Variants in GATA4 observed in about 807,000 individuals in gnomAD.
GATA4 encodes transcription factor GATA-4.
In GATA4, 7 loss-of-function variants were observed where a neutral mutation model predicts 37.9. The observed-to-expected ratio is 0.18, with a 90% confidence interval of 0.11 to 0.35. GATA4 has a LOEUF of 0.35. Among genes scored for constraint, GATA4 ranks in the 10% least tolerant of loss-of-function variants. The pLI, the probability that GATA4 is intolerant of heterozygous loss-of-function variation, is 1.00. For synonymous variants in GATA4, 372 were observed against 292.6 expected (o/e 1.27, Z -2.77); for missense variants, 647 against 653.0 (o/e 0.99, Z 0.10).
Position 11,697,479 on chromosome 8 carries a change from A to T in GATA4, c.-728-3029A>T, listed in dbSNP as rs1434192057. 4.6e-6 allele frequency: 4 copies of T among 863,118 alleles called. No individual in the cohort carries two copies. The African/African-American group carries it at 7.3e-5, about 16-fold the overall frequency. 53.5% of individuals were successfully genotyped at this position (863,118 alleles called of 1,614,324 possible). ...TCCCAGCTGGGGAAGCGGTGTTCGG[A>T]GGGGAGCAGCGCTCTCGGTGGGCAC... On this transcript the variant is annotated intron_variant, in intron 1 of 2. Coordinates refer to the GATA4 transcript ENST00000526974.
upstream of GATA4, among the ~76,000 whole-genome samples, chr8:11,687,628 A>T (rs1249867209): frequency 6.6e-6 from 1 of 152,200 alleles, no homozygotes. Context: ...AGATTCAGAG[A>T]TGTTGTAAAG....
chr8:11,757,392 T>C (rs1282155356), intron 6 of GATA4, among the ~76,000 whole-genome samples: 3 of 152,024 alleles, frequency 2.0e-5, no homozygotes, highest in Admixed American at 2.0e-4. Flanking sequence ...GAGAGGGGAG[T>C]CCAGGGCTGG....
At chr8:11,744,255 T>G (rs1801919765) in intron 2 of GATA4, among the ~76,000 whole-genome samples, 1 of 152,244 alleles carries the variant, frequency 6.6e-6, no homozygotes, top group Non-Finnish European at 1.5e-5. Context: ...AACTTCAGCC[T>G]CCTAACAATA....
intron 2 of GATA4, among the ~76,000 whole-genome samples, chr8:11,735,528 G>A: frequency 6.6e-6 from 1 of 152,248 alleles, no homozygotes; most frequent in South Asian, 2.1e-4. Flanking sequence ...GGATCATGGT[G>A]ATGGTGGAGA....
chr8:11,739,636 C>T (rs911813591), intron 2 of GATA4, among the ~76,000 whole-genome samples: 1 of 151,474 alleles, frequency 6.6e-6, no homozygotes, highest in African/African-American at 2.4e-5. Flanking sequence ...GGCCGGAAGC[C>T]GAGCCCTGGG....
chr8:11,692,053 C>T (rs1799329886), upstream of GATA4: 1 of 985,248 alleles, frequency 1.0e-6, no homozygotes, highest in South Asian at 4.7e-5. Context: ...GTGTCACCAA[C>T]AGAGGTGGCC....
intron 6 of GATA4, 41 bp from the exon 7 acceptor site, chr8:11,758,252 A>G: frequency 6.2e-7 from 1 of 1,610,044 alleles, no homozygotes; most frequent in Non-Finnish European, 8.5e-7. Flanking sequence ...AGCCCTCAGG[A>G]GCGTCTCCAT....
intron 2 of GATA4, among the ~76,000 whole-genome samples, chr8:11,738,269 A>T (rs1333071077): frequency 1.3e-5 from 2 of 152,078 alleles, no homozygotes; most frequent in African/African-American, 2.4e-5. Context: ...AACAGCAAAC[A>T]ATGAGAAGTC....
chr8:11,686,305 A>T (rs1799134020), intron 1 of GATA4, among the ~76,000 whole-genome samples: 1 of 152,144 alleles, frequency 6.6e-6, no homozygotes, highest in East Asian at 1.9e-4. Flanking sequence ...ACTTTTATTA[A>T]TTAGCAAATA....
chr8:11,740,759 G>C (rs1054964240), intron 2 of GATA4, among the ~76,000 whole-genome samples: 2 of 150,092 alleles, frequency 1.3e-5, no homozygotes, highest in African/African-American at 4.9e-5. Flanking sequence ...TTGGAGACAC[G>C]GTCTCACTCT....
At chr8:11,758,210 A>G in intron 6 of GATA4, 83 bp from the exon 7 acceptor site, 1 of 1,397,878 alleles carries the variant, frequency 7.2e-7, no homozygotes. Context: ...ACATCTGCAT[A>G]GCAGGGCACC....
Position 11,749,040 on chromosome 8 carries a change from G to A in GATA4, c.741G>A (p.Lys247=), listed in dbSNP as rs780109971. 6.2e-7 allele frequency: 1 copy of A among 1,614,248 alleles called. No individual in the cohort carries two copies. Among genetic ancestry groups the A allele is most frequent in the Non-Finnish European group, 8.5e-7 (1 of 1,180,046 alleles). Residue 247 remains lysine (K), a synonymous_variant, in exon 3 of 7, where the codon AAG becomes AAA. Coordinates refer to ENST00000532059, the MANE Select transcript of GATA4 (RefSeq NM_001308093.3). The surrounding 1 kb of genome is among the most constrained non-coding windows in gnomAD (Gnocchi z 4.6). ...GCAACGCCTGCGGCCTCTACCACAA[G>A]ATGAACGGCATCAACCGGCCGCTCA... ...YLCNACGLYH[K]MNGINRPLIK... is the part of the protein sequence containing the mutation.
chr8:11,683,129 T>C, intron 1 of GATA4: 1 of 985,344 alleles, frequency 1.0e-6, no homozygotes, highest in Non-Finnish European at 1.2e-6. Context: ...TGGTGGCCAC[T>C]GGGGTTTGCT....
intron 2 of GATA4, among the ~76,000 whole-genome samples, chr8:11,737,549 TA>T (rs1478904402): frequency 6.6e-6 from 1 of 152,206 alleles, no homozygotes; most frequent in African/African-American, 2.4e-5. Flanking sequence ...TCCTAATAAA[TA>T]AAAGAAACCA....
intron 4 of GATA4, among the ~76,000 whole-genome samples, chr8:11,754,251 C>G (rs1802444315): frequency 6.6e-6 from 1 of 152,238 alleles, no homozygotes; most frequent in South Asian, 2.1e-4. Context: ...GGGCCTTGCT[C>G]CACCACCCAG....
In GATA4 at chr8:11,757,020, G is replaced by C; in HGVS notation, c.1086G>C (p.Met362Ile). Residue 362 changes from methionine (M) to isoleucine (I), a missense_variant, in exon 6 of 7, where the codon ATG (methionine) becomes ATC (isoleucine). This residue lies in a region of GATA4 where 184 missense variants were observed against 157.1 expected (regional missense o/e 1.17). Transcript: ENST00000532059. ...SNATTSSSEEMRPIKTEPGLS... is the reference protein window; with the variant it reads ...SNATTSSSEEIRPIKTEPGLS... ...CCACCACCAGCAGCAGCGAGGAGAT[G>C]CGTCCCATCAAGACGGAGCCTGGCC... 6.2e-7 allele frequency: 1 copy of C among 1,614,234 alleles called. No individual in the cohort carries two copies. The highest frequency in any genetic ancestry group is 8.5e-7 in the Non-Finnish European group (1 of 1,180,048).
upstream of GATA4, among the ~76,000 whole-genome samples, chr8:11,688,878 T>C (rs1173990319): frequency 6.6e-6 from 1 of 152,154 alleles, no homozygotes; most frequent in Admixed American, 6.5e-5. Context: ...ATGGGGGCAA[T>C]AGCAGTTATA....
chr8:11,682,563 GT>G (rs1304677614), intron 1 of GATA4, among the ~76,000 whole-genome samples: 1 of 151,852 alleles, frequency 6.6e-6, no homozygotes, highest in Non-Finnish European at 1.5e-5. Flanking sequence ...CTTGTAAGAA[GT>G]TTTTTTCCCT....
intron 1 of GATA4, among the ~76,000 whole-genome samples, chr8:11,681,935 T>G (rs1798986806): frequency 6.6e-6 from 1 of 152,224 alleles, no homozygotes; most frequent in Non-Finnish European, 1.5e-5. Flanking sequence ...CTGAGATCCT[T>G]GCCCCTCACA....
Sources: allele counts gnomAD v4.1 joint callset (sites outside exome capture counted in the v4.1 genomes callset), GRCh38; gene constraint gnomAD v4.1.1; regional missense constraint gnomAD v4.1.1; non-coding constraint Gnocchi (gnomAD v3.1); transcripts MANE v1.5; gene names NCBI Gene and HGNC (gene_info 2026-07-23, HGNC 2026-07-21).